The following REDIC1 variants were observed in gnomAD, a reference collection of about 807,000 sequenced individuals.
REDIC1 encodes the protein HEI10 Interacting Protein 1.
the REDIC1 span, among the ~76,000 whole-genome samples, chr12:39,815,433 A>G: frequency 1.3e-5 from 2 of 152,220 alleles, no homozygotes; most frequent in African/African-American, 4.8e-5. Flanking sequence ...TTCTTTGTCA[A>G]AACAGCTATA....
At chr12:39,776,231 A>G in the REDIC1 span, among the ~76,000 whole-genome samples, 2 of 150,154 alleles carry the variant, frequency 1.3e-5, no homozygotes, top group African/African-American at 4.9e-5. Flanking sequence ...CTTCATATTG[A>G]CCAAAGGCCT....
At chr12:39,717,887 G>A in the REDIC1 span, among the ~76,000 whole-genome samples, 25 of 151,634 alleles carry the variant, frequency 1.6e-4, no homozygotes, top group Non-Finnish European at 3.2e-4. Context: ...CCATCAAGTT[G>A]TCTTCTGTTA....
the REDIC1 span, among the ~76,000 whole-genome samples, chr12:39,895,358 C>A: frequency 6.6e-6 from 1 of 151,082 alleles, no homozygotes; most frequent in Non-Finnish European, 1.5e-5. Flanking sequence ...GGCTTGGTGG[C>A]AGGCACCTGT....
chr12:39,723,555 A>G, the REDIC1 span, among the ~76,000 whole-genome samples: 2 of 152,140 alleles, frequency 1.3e-5, no homozygotes, highest in African/African-American at 4.8e-5. Context: ...CAATTGAAAT[A>G]AACATTGTTT....
At chr12:39,833,022 G>A in the REDIC1 span, among the ~76,000 whole-genome samples, 1 of 152,008 alleles carries the variant, frequency 6.6e-6, no homozygotes, top group African/African-American at 2.4e-5. Flanking sequence ...TTAGCCCCCT[G>A]ATTTCTAAGT....
chr12:39,714,105 G>A, the REDIC1 span, among the ~76,000 whole-genome samples: 1 of 149,738 alleles, frequency 6.7e-6, no homozygotes, highest in African/African-American at 2.5e-5. Flanking sequence ...ATGTATATAC[G>A]TATGTATACG....
At chr12:39,626,723 CT>C in the REDIC1 span, among the ~76,000 whole-genome samples, 14 of 152,274 alleles carry the variant, frequency 9.2e-5, no homozygotes, top group Non-Finnish European at 8.8e-5. Flanking sequence ...CTTTTAGGTT[CT>C]TCTGAGTTGA....
chr12:39,708,018 G>T, the REDIC1 span, among the ~76,000 whole-genome samples: 1 of 151,912 alleles, frequency 6.6e-6, no homozygotes, highest in Admixed American at 6.6e-5. Flanking sequence ...AGGAAAGGTA[G>T]TTGTGGGGTT....
At chr12:39,859,981 C>A in the REDIC1 span, among the ~76,000 whole-genome samples, 1 of 152,082 alleles carries the variant, frequency 6.6e-6, no homozygotes, top group Non-Finnish European at 1.5e-5. Context: ...CCTAATTGTA[C>A]AAGTCATCTT....
chr12:39,812,340 T>TTCTTG, the REDIC1 span, among the ~76,000 whole-genome samples: 6 of 42,798 alleles, frequency 1.4e-4, no homozygotes, highest in Admixed American at 1.1e-3. Flanking sequence ...AATTTCTTTT[T>TTCTTG]TCTTTTCTTT....
At chr12:39,876,329 C>T in the REDIC1 span, among the ~76,000 whole-genome samples, 1 of 152,094 alleles carries the variant, frequency 6.6e-6, no homozygotes, top group Non-Finnish European at 1.5e-5. Flanking sequence ...TTTTAACTAG[C>T]AATAAAAGAC....
the REDIC1 span, among the ~76,000 whole-genome samples, chr12:39,902,886 T>C: frequency 6.6e-6 from 1 of 152,124 alleles, no homozygotes; most frequent in Non-Finnish European, 1.5e-5. Context: ...TCTTAAGAAG[T>C]CATTACCTTA....
the REDIC1 span, among the ~76,000 whole-genome samples, chr12:39,732,494 C>T: frequency 1.8e-3 from 277 of 152,180 alleles, no homozygotes; most frequent in African/African-American, 4.2e-3. Flanking sequence ...TCCAGTAATT[C>T]GCTGGAGGGT....
the REDIC1 span, among the ~76,000 whole-genome samples, chr12:39,664,557 G>A: frequency 3.3e-5 from 5 of 152,224 alleles, no homozygotes; most frequent in Admixed American, 6.5e-5. Flanking sequence ...TGTTTTTATA[G>A]CAGCATGATT....
chr12:39,722,000 T>TA, the REDIC1 span: 6 of 152,264 alleles, frequency 3.9e-5, 1 homozygote, highest in Admixed American at 3.3e-4. Flanking sequence ...AGACAACACT[T>TA]ATTTTGTATA....
At chr12:39,901,080 C>A in the REDIC1 span, among the ~76,000 whole-genome samples, 19 of 152,116 alleles carry the variant, frequency 1.2e-4, no homozygotes, top group Non-Finnish European at 2.6e-4. Context: ...GAAAAACAAG[C>A]AATGGGGAAA....
the REDIC1 span, among the ~76,000 whole-genome samples, chr12:39,686,018 G>T: frequency 6.6e-6 from 1 of 152,226 alleles, no homozygotes; most frequent in Non-Finnish European, 1.5e-5. Flanking sequence ...AAAAGCCTTG[G>T]GCAGCCCTGC....
chr12:39,796,300 C>T, the REDIC1 span, among the ~76,000 whole-genome samples: 6 of 151,818 alleles, frequency 4.0e-5, no homozygotes, highest in South Asian at 4.2e-4. Flanking sequence ...GGCAGAAATA[C>T]GGTACAATTC....
At chr12:39,728,780 C>CTTTTTTTT in the REDIC1 span, among the ~76,000 whole-genome samples, 1 of 92,170 alleles carries the variant, frequency 1.1e-5, no homozygotes, top group African/African-American at 4.4e-5. Flanking sequence ...TGGTCCTGGG[C>CTTTTTTTT]TTTTTTTTTT....
Sources: allele counts gnomAD v4.1 joint callset (sites outside exome capture counted in the v4.1 genomes callset), GRCh38; gene constraint gnomAD v4.1.1; transcripts MANE v1.5; gene names NCBI Gene and HGNC (gene_info 2026-07-23, HGNC 2026-07-21).